Variants in LRRC32 observed in about 807,000 individuals in gnomAD.
LRRC32 encodes leucine rich repeat containing 32.
Under a neutral mutation model 15.0 loss-of-function variants are expected in LRRC32, and 5 were observed. The ratio of observed to expected loss-of-function variants is 0.33; its 90% CI spans 0.17 to 0.70. The LOEUF is 0.70. Among genes scored for constraint, LRRC32 ranks in the 30% least tolerant of loss-of-function variants. The pLI is 0.66. For missense variants in LRRC32, 803 were observed against 854.2 expected (o/e 0.94, Z 0.75); for synonymous variants, 391 against 403.9 (o/e 0.97, Z 0.38).
At chr11:76,667,364 C>A (rs912303944) in intron 1 of LRRC32, among the ~76,000 whole-genome samples, 2 of 152,222 alleles carry the variant, frequency 1.3e-5, no homozygotes. Flanking sequence ...ACAGTGGGTG[C>A]TCCCTCAGTG....
At chr11:76,670,280 C>T (rs556862687) in intron 1 of LRRC32, among the ~76,000 whole-genome samples, 5 of 152,316 alleles carry the variant, frequency 3.3e-5, no homozygotes, top group Admixed American at 3.3e-4. Context: ...GGGATCGGAG[C>T]GTTGCAGGAA....
At chr11:76,669,975 G>A (rs889256914) in intron 1 of LRRC32, 2 of 152,474 alleles carry the variant, frequency 1.3e-5, no homozygotes, top group African/African-American at 2.4e-5. Flanking sequence ...CTGGCAGAGT[G>A]GGGTCCTGGG....
At chr11:76,669,345 A>ATGTGTGTG (rs112355864) in intron 1 of LRRC32, among the ~76,000 whole-genome samples, 1,306 of 123,458 alleles carry the variant, frequency 0.011, 8 homozygotes, top group African/African-American at 0.017. Flanking sequence ...GTGCCAAAGA[A>ATGTGTGTG]TGTGTGTGTG....
intron 2 of LRRC32, chr11:76,662,852 T>C (rs7944463): frequency 0.39 from 58,862 of 152,068 alleles, 12,029 homozygotes; most frequent in Middle Eastern, 0.49. Flanking sequence ...AGGCTGTTTG[T>C]AGCCCCTGCC....
Position 76,659,814 on chromosome 11 carries a change from G to A in LRRC32, c.1779C>T (p.Asp593=), listed in dbSNP as rs753459647. Residue 593 remains aspartate, a synonymous_variant, in exon 3 of 3, where the codon GAC becomes GAT. Coordinates refer to ENST00000260061, the MANE Select transcript of LRRC32 (RefSeq NM_001128922.2). ...AQLHQGRVDV[D]ATQDLICRFS... ...AGCGGCAGATCAGGTCCTGGGTGGC[G>A]TCCACGTCCACACGGCCCTGGTGCA... 26 of 1,614,048 alleles carry A rather than the reference G, an allele frequency of 1.6e-5. No homozygotes were observed. The highest frequency in any genetic ancestry group is 5.3e-5 in the African/African-American group (4 of 74,936).
chr11:76,661,129 G>A lies in LRRC32; in HGVS notation c.464C>T (p.Ser155Leu), dbSNP rs760387270. Residue 155 changes from serine to leucine, a missense_variant, in exon 3 of 3, where the codon TCA (serine) becomes TTA (leucine). By Grantham distance (145) the Ser-to-Leu change is moderately radical. Coordinates refer to ENST00000260061, the MANE Select transcript of LRRC32 (RefSeq NM_001128922.2). Reference sequence around the variant, plus strand: ...GCGAGTCAGACTGTTCTCCGCCAGTGAGAGGGTATGCAGGCTGGGTGCCTC... The same window carrying A: ...GCGAGTCAGACTGTTCTCCGCCAGTAAGAGGGTATGCAGGCTGGGTGCCTC... Reference protein sequence around the residue: ...LGEAPSLHTLSLAENSLTRLT... With the variant: ...LGEAPSLHTLLLAENSLTRLT... The A allele has an allele frequency of 5.0e-6, 8 of 1,613,984 alleles. No individual in the cohort carries two copies. In the East Asian group the frequency reaches 1.6e-4, roughly 31 times the overall value.
chr11:76,665,847 C>T (rs1201651495), intron 2 of LRRC32, 24 bp downstream of exon 2: 1 of 1,613,856 alleles, frequency 6.2e-7, no homozygotes, highest in Non-Finnish European at 8.5e-7. Flanking sequence ...GTGGTCCTCA[C>T]CCTGTCTGGG....
At chr11:76,661,938 T>A (rs1952542956) in intron 2 of LRRC32, among the ~76,000 whole-genome samples, 1 of 152,154 alleles carries the variant, frequency 6.6e-6, no homozygotes, top group South Asian at 2.1e-4. Context: ...CTAGGTCCCT[T>A]CTATGGGCAC....
chr11:76,665,801 T>TA, intron 2 of LRRC32, 70 bp downstream of exon 2: 1 of 1,598,498 alleles, frequency 6.3e-7, no homozygotes, highest in Non-Finnish European at 8.6e-7. Flanking sequence ...CTTCTGGGGC[T>TA]GGGGCACTAG....
At position 76,660,317 on chromosome 11, in the gene LRRC32, C is replaced by G. The variant is rs111673552; in HGVS notation, c.1276G>C (p.Gly426Arg). The change falls in exon 3 of 3, where the codon GGG becomes CGG. Residue 426 changes from glycine (G) to arginine (R), a missense_variant. By Grantham distance (125) the Gly-to-Arg change is moderately radical. Transcript: ENST00000260061. ...NLQGNRVSPCGGPDEPGPSGC... is the reference protein window; with the variant it reads ...NLQGNRVSPCRGPDEPGPSGC... Reference sequence around the variant, plus strand: ...GAGGGGCCAGGCTCATCTGGCCCCCCACAGGGGCTGACTCGGTTCCCCTGC... The same window carrying G: ...GAGGGGCCAGGCTCATCTGGCCCCCGACAGGGGCTGACTCGGTTCCCCTGC... 92 of 1,602,836 alleles carry G rather than the reference C, an allele frequency of 5.7e-5. No individual in the cohort carries two copies. In the Middle Eastern group the frequency reaches 6.7e-4, roughly 12 times the overall value.
chr11:76,670,152 C>T (rs1228512636), intron 1 of LRRC32, among the ~76,000 whole-genome samples: 1 of 152,164 alleles, frequency 6.6e-6, no homozygotes, highest in East Asian at 1.9e-4. Context: ...TCACATCTTA[C>T]CACCCATGAA....
At position 76,659,258 on chromosome 11, in the gene LRRC32, G is replaced by A. The variant is rs1185407361; in HGVS notation, c.*346C>T. On this transcript the variant is annotated 3_prime_UTR_variant, in exon 3 of 3. Coordinates refer to ENST00000260061, the MANE Select transcript of LRRC32 (RefSeq NM_001128922.2). ...GCAGCACTCTCTCCTACCAGACTGG[G>A]AGATTCTTGAGGGCGGGAATGTATC... is the stretch of plus-strand genomic sequence containing the variant. The A allele has an allele frequency of 7.5e-6, 2 of 268,302 alleles. No homozygotes were observed. The highest frequency in any genetic ancestry group is 2.2e-5 in the African/African-American group (1 of 45,346). The allele number at this position is 268,302 out of a possible 1,614,324, so 16.6% of individuals were successfully genotyped here.
chr11:76,660,615 C>A lies in LRRC32; in HGVS notation c.978G>T (p.Glu326Asp), dbSNP rs1952503483. 2.5e-6 allele frequency: 4 copies of A among 1,614,020 alleles called. No homozygotes were observed. Among genetic ancestry groups the A allele is most frequent in the African/African-American group, 1.3e-5 (1 of 74,928 alleles). Residue 326 changes from glutamate (E) to aspartate (D), a missense_variant, in exon 3 of 3, where the codon GAG becomes GAT. Glu to Asp is a conservative substitution (Grantham distance 45, BLOSUM62 2). Coordinates refer to ENST00000260061, the MANE Select transcript of LRRC32 (RefSeq NM_001128922.2). The stretch of plus-strand genomic sequence containing the variant: ...GAAAGCTGTCGGGGATGAGCTCAAT[C>A]TCATTGTAGCTCAAATCCAGATTCA... ...QLLNLDLSYNEIELIPDSFLE... is the reference protein window; with the variant it reads ...QLLNLDLSYNDIELIPDSFLE...
intron 1 of LRRC32, among the ~76,000 whole-genome samples, chr11:76,670,183 C>G (rs1207897435): frequency 1.3e-5 from 2 of 152,232 alleles, no homozygotes; most frequent in Non-Finnish European, 2.9e-5. Flanking sequence ...TTCAGAGCCC[C>G]TTGGAGAGCG....
chr11:76,663,291 A>G (rs1952569090), intron 2 of LRRC32: 1 of 152,278 alleles, frequency 6.6e-6, no homozygotes, highest in East Asian at 1.9e-4. Context: ...TTTTCAAAAT[A>G]TAGTCAAAGA....
At chr11:76,669,706 A>G (rs1348379184) in intron 1 of LRRC32, 3 of 152,118 alleles carry the variant, frequency 2.0e-5, no homozygotes, top group African/African-American at 4.8e-5. Flanking sequence ...ACTGCCCCCA[A>G]TAGAACTGTC....
In LRRC32 at chr11:76,659,369, A is replaced by G. The variant is rs989332958; in HGVS notation, c.*235T>C. The G allele has an allele frequency of 5.5e-6, 3 of 545,532 alleles. No individual in the cohort carries two copies. Among genetic ancestry groups the G allele is most frequent in the Middle Eastern group, 9.6e-4 (2 of 2,080 alleles). The allele number at this position is 545,532 out of a possible 1,614,324, so 33.8% of individuals were successfully genotyped here. On this transcript the variant is annotated 3_prime_UTR_variant, in exon 3 of 3. Transcript: ENST00000260061. ...AGATTTGTTGATCTGACAGGTCAACATTATTCTCGGCTGTCCCTGAAACCG... is the reference window on the plus strand; with the variant it reads ...AGATTTGTTGATCTGACAGGTCAACGTTATTCTCGGCTGTCCCTGAAACCG...
chr11:76,670,271 G>C (rs942177737), intron 1 of LRRC32, among the ~76,000 whole-genome samples: 3 of 152,226 alleles, frequency 2.0e-5, no homozygotes, highest in Non-Finnish European at 4.4e-5. Context: ...CGCCTGGCTG[G>C]GATCGGAGCG....
chr11:76,661,123 G>A lies in LRRC32; in HGVS notation c.470C>T (p.Ala157Val), dbSNP rs767579768. Residue 157 changes from alanine to valine, a missense_variant, in exon 3 of 3, where the codon GCG (alanine) becomes GTG (valine). Ala to Val is a moderately conservative substitution (Grantham distance 64). Coordinates refer to ENST00000260061, the MANE Select transcript of LRRC32 (RefSeq NM_001128922.2). Reference sequence around the variant, plus strand: ...GGTGAGGCGAGTCAGACTGTTCTCCGCCAGTGAGAGGGTATGCAGGCTGGG... The same window carrying A: ...GGTGAGGCGAGTCAGACTGTTCTCCACCAGTGAGAGGGTATGCAGGCTGGG... ...EAPSLHTLSL[A>V]ENSLTRLTRH... 27 of 1,613,876 alleles carry A rather than the reference G, an allele frequency of 1.7e-5. No individual in the cohort carries two copies. The highest frequency in any genetic ancestry group is 1.3e-4 in the East Asian group (6 of 44,874).
Sources: gnomAD v4.1 joint callset for allele counts (sites outside exome capture counted in the v4.1 genomes callset) on GRCh38, gnomAD v4.1.1 for gene constraint, MANE v1.5 for transcripts, NCBI Gene and HGNC (gene_info 2026-07-23, HGNC 2026-07-21) for gene names.